ADGRD1: variants seen among roughly 807,000 people sequenced by gnomAD.
ADGRD1 encodes G-protein coupled receptor 133.
In ADGRD1, 77 loss-of-function variants were observed where a neutral mutation model predicts 113.4. That is an observed-to-expected ratio of 0.68 (90% CI 0.57 to 0.82). The LOEUF is 0.82. ADGRD1 is among the 40% of genes least tolerant of loss of function. ADGRD1 has a pLI of 0.00. For synonymous variants in ADGRD1, 474 were observed against 475.0 expected (o/e 1.00, Z 0.03); for missense variants, 1,036 against 1,139.1 (o/e 0.91, Z 1.30).
rs534080697 is a variant in ADGRD1 at position 131,096,342 on chromosome 12, G to C, written c.1672-8489G>C. ...GCTCACTGCAGCCTTGACCTCCTGGGCTCCAGAGATCCTCCTACCTCAGCC... is the reference window on the plus strand; with the variant it reads ...GCTCACTGCAGCCTTGACCTCCTGGCCTCCAGAGATCCTCCTACCTCAGCC... On this transcript the variant is annotated intron_variant, in intron 15 of 24. Transcript: ENST00000261654. The surrounding 1 kb of genome is among the most constrained non-coding windows in gnomAD (Gnocchi z 5.2). 6.6e-6 allele frequency among the ~76,000 whole-genome samples: 1 copy of C among 152,142 alleles called. No homozygotes were observed. The highest frequency in any genetic ancestry group is 2.1e-4 in the South Asian group (1 of 4,822).
At chr12:131,088,977 C>A (rs568927795) in intron 15 of ADGRD1, among the ~76,000 whole-genome samples, 6 of 152,134 alleles carry the variant, frequency 3.9e-5, no homozygotes, top group Non-Finnish European at 7.4e-5. Flanking sequence ...TCCTCATTTC[C>A]GACAAGGCCC....
chr12:131,067,361 T>C (rs1332774472), intron 13 of ADGRD1, among the ~76,000 whole-genome samples: 1 of 152,168 alleles, frequency 6.6e-6, no homozygotes, highest in Non-Finnish European at 1.5e-5. Flanking sequence ...CTTCTGTTAG[T>C]GAGAAAGAAC....
In ADGRD1 at chr12:131,017,095, C is replaced by T. The variant is rs139369035; in HGVS notation, c.1473+2755C>T. 3.8e-3 allele frequency among the ~76,000 whole-genome samples: 571 copies of T among 151,896 alleles called. 4 individuals are homozygous for T. Among genetic ancestry groups the T allele is most frequent in the African/African-American group, 0.013 (542 of 41,372 alleles). ...GGGGGCAAGTGGAGAGGGGAGGGCA[C>T]GGGCAGAGAGGGGAGGCAGGAGATG... On this transcript the variant is annotated intron_variant, in intron 13 of 24. Transcript: ENST00000261654.
chr12:131,133,958 T>C (rs925543787), intron 21 of ADGRD1, among the ~76,000 whole-genome samples: 1 of 152,208 alleles, frequency 6.6e-6, no homozygotes, highest in Admixed American at 6.5e-5. Context: ...TCCACAGGGT[T>C]GGCTTTCACT....
At chr12:131,033,945 GA>G (rs1881094077) in intron 13 of ADGRD1, among the ~76,000 whole-genome samples, 1 of 152,144 alleles carries the variant, frequency 6.6e-6, no homozygotes, top group African/African-American at 2.4e-5. Context: ...CTCCCCGGGG[GA>G]TGCCGGCTCC....
chr12:131,028,728 C>T (rs572738404), intron 13 of ADGRD1, among the ~76,000 whole-genome samples: 14 of 152,254 alleles, frequency 9.2e-5, no homozygotes, highest in South Asian at 8.3e-4. Flanking sequence ...CCGCCTTTGC[C>T]GTCAGTCACG....
At chr12:130,968,878 C>G in intron 3 of ADGRD1, 1 of 688,278 alleles carries the variant, frequency 1.5e-6, no homozygotes, top group Non-Finnish European at 2.5e-6. Context: ...GATGAAAGAG[C>G]CCCTCCTGGT....
In ADGRD1 at chr12:130,971,082, C is replaced by T. The variant is rs1011584881; in HGVS notation, c.188-376C>T. On this transcript the variant is annotated intron_variant, in intron 3 of 24. Transcript: ENST00000261654. This position sits in a 1 kb window ranked among gnomAD's most constrained non-coding sequence, Gnocchi z 4.2. ...CCAGGACAGGAGGCGGTCGCCACGC[C>T]ACGCTTGGTAACCCATCTGTTGGCA... is the stretch of plus-strand genomic sequence containing the variant. 1.3e-5 allele frequency: 2 copies of T among 156,740 alleles called. No individual in the cohort carries two copies. Among genetic ancestry groups the T allele is most frequent in the Non-Finnish European group, 2.8e-5 (2 of 71,318 alleles). The allele number at this position is 156,740 out of a possible 1,614,324, so 9.7% of individuals were successfully genotyped here. A position where few individuals can be genotyped will look rare whatever the true frequency, so the allele number is the denominator to read the frequency against.
chr12:131,029,000 C>T (rs1386871364), intron 13 of ADGRD1, among the ~76,000 whole-genome samples: 2 of 152,228 alleles, frequency 1.3e-5, no homozygotes, highest in Non-Finnish European at 2.9e-5. Context: ...TCTCCCACGC[C>T]ATTGCAGACT....
intron 23 of ADGRD1, chr12:131,137,745 G>A (rs921105438): frequency 1.8e-5 from 5 of 281,184 alleles, no homozygotes; most frequent in South Asian, 8.3e-5. Context: ...TGATCGCAAC[G>A]CCCAGTGACC....
At chr12:131,013,701 T>C (rs1179840275) in intron 12 of ADGRD1, among the ~76,000 whole-genome samples, 2 of 152,066 alleles carry the variant, frequency 1.3e-5, no homozygotes, top group African/African-American at 2.4e-5. Flanking sequence ...AAACGATGAA[T>C]GAATACTGGG....
chr12:130,998,206 GGGGAGA>G (rs1384570029), intron 8 of ADGRD1, among the ~76,000 whole-genome samples: 16 of 151,836 alleles, frequency 1.1e-4, no homozygotes, highest in Non-Finnish European at 1.6e-4. Context: ...GGAGGGGGAG[GGGGAGA>G]GGGAGAGGGA....
intron 8 of ADGRD1, among the ~76,000 whole-genome samples, chr12:130,996,400 G>A (rs1314051450): frequency 4.6e-5 from 5 of 108,864 alleles, no homozygotes; most frequent in Admixed American, 8.5e-5. Context: ...CTGGCCGGGC[G>A]GGGGGCTGAC....
At chr12:131,122,432 G>A (rs927916286) in intron 20 of ADGRD1, among the ~76,000 whole-genome samples, 1 of 152,162 alleles carries the variant, frequency 6.6e-6, no homozygotes, top group African/African-American at 2.4e-5. Flanking sequence ...GCTGCGTGAG[G>A]ATCACCTGCC....
At position 131,003,769 on chromosome 12, in the gene ADGRD1, G is replaced by C. The variant is rs35081713; in HGVS notation, c.1145-417G>C. Among the ~76,000 whole-genome samples the C allele has an allele frequency of 0.075, 11,377 of 152,306 alleles. 573 individuals carry two copies. The highest frequency in any genetic ancestry group is 0.11 in the Middle Eastern group (33 of 294). ...CTGCTGATACTTCGCTGCAAGAGCC[G>C]AGCTGGGGAAAATGGGCTGAAGCTA... On this transcript the variant is annotated intron_variant, in intron 10 of 24. Coordinates refer to ENST00000261654, the MANE Select transcript of ADGRD1 (RefSeq NM_198827.5). This position sits in a 1 kb window ranked among gnomAD's most constrained non-coding sequence, Gnocchi z 4.8.
At chr12:130,990,981 T>C in intron 6 of ADGRD1, 33 bp from the exon 7 acceptor site, 3 of 1,593,230 alleles carry the variant, frequency 1.9e-6, no homozygotes, top group Non-Finnish European at 2.6e-6. Flanking sequence ...AGTGACCATG[T>C]TTTAGTCCTT....
At position 130,987,583 on chromosome 12, in the gene ADGRD1, G is replaced by C. The variant is rs562817881; in HGVS notation, c.745+234G>C. On this transcript the variant is annotated intron_variant, in intron 6 of 24. Coordinates refer to ENST00000261654, the MANE Select transcript of ADGRD1 (RefSeq NM_198827.5). Reference sequence around the variant, plus strand: ...TGAATATTGTTCTGTTGATCATCACGGGGTTTCAAGGTATATGTGATGGAC... The same window carrying C: ...TGAATATTGTTCTGTTGATCATCACCGGGTTTCAAGGTATATGTGATGGAC... 9.1e-5 allele frequency: 52 copies of C among 571,314 alleles called. 1 individual carries two copies. In the South Asian group the frequency reaches 9.5e-4, roughly 10 times the overall value. 35.4% of individuals were successfully genotyped at this position (571,314 alleles called of 1,614,324 possible).
chr12:130,996,896 C>T (rs1875512521), intron 8 of ADGRD1, among the ~76,000 whole-genome samples: 1 of 129,886 alleles, frequency 7.7e-6, no homozygotes, highest in Non-Finnish European at 1.7e-5. Flanking sequence ...CCTCACTTCC[C>T]AGTAGGGGCG....
At position 131,136,061 on chromosome 12, in the gene ADGRD1, G is replaced by A. The variant is rs769368771; in HGVS notation, c.2292G>A (p.Val764=). ...AFKLTAKAVA[V]LLPILGTSWV... is the part of the protein sequence containing the mutation. Reference sequence around the variant, plus strand: ...GGTTGACAGCCAAGGCAGTGGCCGTGCTGCTGCCCATCCTGGGTACCTCGT... The same window carrying A: ...GGTTGACAGCCAAGGCAGTGGCCGTACTGCTGCCCATCCTGGGTACCTCGT... Residue 764 remains valine, a synonymous_variant, in exon 22 of 25, where the codon GTG becomes GTA. Coordinates refer to ENST00000261654, the MANE Select transcript of ADGRD1 (RefSeq NM_198827.5). 6.2e-7 allele frequency: 1 copy of A among 1,614,134 alleles called. No homozygotes were observed. The highest frequency in any genetic ancestry group is 2.2e-5 in the East Asian group (1 of 44,872).
Sources: gnomAD v4.1 joint callset for allele counts (sites outside exome capture counted in the v4.1 genomes callset) on GRCh38, gnomAD v4.1.1 for gene constraint, Gnocchi (gnomAD v3.1) non-coding constraint, MANE v1.5 for transcripts, NCBI Gene and HGNC (gene_info 2026-07-23, HGNC 2026-07-21) for gene names.